Variants in MAP3K4 observed in about 807,000 individuals in gnomAD.
The protein encoded by MAP3K4 is MAP three kinase 1.
A neutral mutation model predicts 185.6 loss-of-function variants in MAP3K4; 67 were observed. That is an observed-to-expected ratio of 0.36 (90% CI 0.30 to 0.44). The LOEUF (loss-of-function observed/expected upper bound fraction) is 0.44, where lower values mean the gene tolerates loss of function less well. MAP3K4 is among the 20% of genes least tolerant of loss of function. The probability of loss-of-function intolerance (pLI) is 1.00; values close to 1 mark genes in which losing one functional copy is unlikely to be tolerated. For missense variants in MAP3K4, 1,551 were observed against 1,995.1 expected (o/e 0.78, Z 4.24); for synonymous variants, 702 against 710.4 (o/e 0.99, Z 0.19).
At chr6:161,094,354 T>G (rs1256881715) in intron 15 of MAP3K4, among the ~76,000 whole-genome samples, 1 of 152,260 alleles carries the variant, frequency 6.6e-6, no homozygotes, top group African/African-American at 2.4e-5. Context: ...AAAAATCAAG[T>G]TAAGTTATGC....
At chr6:161,028,032 C>G (rs1782752978) in intron 1 of MAP3K4, among the ~76,000 whole-genome samples, 1 of 152,130 alleles carries the variant, frequency 6.6e-6, no homozygotes, top group African/African-American at 2.4e-5. Flanking sequence ...ACACAGGTGG[C>G]CTTCTTAAGG....
Position 161,070,683 on chromosome 6 carries a change from A to C in MAP3K4, c.1783A>C (p.Lys595Gln). 2 of 1,614,066 alleles carry C rather than the reference A, an allele frequency of 1.2e-6. No homozygotes were observed. The highest frequency in any genetic ancestry group is 1.7e-6 in the Non-Finnish European group (2 of 1,180,004). The change falls in exon 4 of 27, where the codon AAA becomes CAA. Residue 595 changes from lysine to glutamine, a missense_variant. Around this residue, in one of 16 missense-constraint regions of MAP3K4, gnomAD observed 86 missense variants for 81.6 expected, o/e 1.05. Transcript: ENST00000392142. This position sits in a 1 kb window ranked among gnomAD's most constrained non-coding sequence, Gnocchi z 4.5. ...AAGGACACCACCTTCATCTGAGGAG[A>C]AATGCAGTGCTGTGTCGTGGGAGGA... Reference protein sequence around the residue: ...LSRTPPSSEEKCSAVSWEELK... With the variant: ...LSRTPPSSEEQCSAVSWEELK...
chr6:161,045,236 C>T, intron 2 of MAP3K4, among the ~76,000 whole-genome samples: 2 of 151,924 alleles, frequency 1.3e-5, no homozygotes, highest in African/African-American at 4.8e-5. Flanking sequence ...TGGGGGGGAA[C>T]AAAAAGCTTC....
chr6:161,036,886 T>G (rs1783191167), intron 2 of MAP3K4, among the ~76,000 whole-genome samples: 1 of 152,196 alleles, frequency 6.6e-6, no homozygotes, highest in South Asian at 2.1e-4. Context: ...TTTGTGGTGC[T>G]TACTCAGAAA....
In MAP3K4 at chr6:161,107,529, T is replaced by C. The variant is rs1016227100; in HGVS notation, c.4049-370T>C. ...CCAGTGAGGAAGACAATGGTCAGGC[T>C]TAGTCCTGGCTGTTTTCTGCTGCTC... On this transcript the variant is annotated intron_variant, in intron 20 of 26. Transcript: ENST00000392142. The surrounding 1 kb of genome is among the most constrained non-coding windows in gnomAD (Gnocchi z 6.2). Among the ~76,000 whole-genome samples the C allele has an allele frequency of 6.6e-6, 1 of 152,206 alleles. No homozygotes were observed.
intron 25 of MAP3K4, among the ~76,000 whole-genome samples, chr6:161,113,399 A>C (rs1174565441): frequency 6.6e-6 from 1 of 152,222 alleles, no homozygotes; most frequent in African/African-American, 2.4e-5. Flanking sequence ...AGTGGAGTAC[A>C]CAGAATTTTT....
intron 18 of MAP3K4, 69 bp downstream of exon 18, chr6:161,102,061 G>A: frequency 8.1e-7 from 1 of 1,229,714 alleles, no homozygotes; most frequent in Non-Finnish European, 1.2e-6. Context: ...ACCAGTTTCT[G>A]TTGTTAATGC....
intron 3 of MAP3K4, among the ~76,000 whole-genome samples, chr6:161,069,891 C>T (rs1784862542): frequency 6.6e-6 from 1 of 151,818 alleles, no homozygotes; most frequent in South Asian, 2.1e-4. Flanking sequence ...GAGGAGTGAC[C>T]AGGAGCAGAG....
intron 1 of MAP3K4, among the ~76,000 whole-genome samples, chr6:161,028,589 A>G (rs909137562): frequency 2.6e-5 from 4 of 152,196 alleles, no homozygotes; most frequent in South Asian, 4.1e-4. Flanking sequence ...AAGCAGTGGT[A>G]AGGATGACAG....
intron 1 of MAP3K4, among the ~76,000 whole-genome samples, chr6:161,002,048 AG>A (rs916174023): frequency 1.2e-4 from 18 of 145,642 alleles, no homozygotes; most frequent in African/African-American, 3.6e-4. Context: ...AATAAGAAAA[AG>A]GTTTTTTTTT....
At position 161,048,868 on chromosome 6, in the gene MAP3K4, C is replaced by G; in HGVS notation, c.596C>G (p.Pro199Arg). ...LSLGCSNAKL[P>R]VSVPMPIARP... The stretch of plus-strand genomic sequence containing the variant: ...CTTGGCTGTAGCAATGCTAAGCTTC[C>G]AGTATCTGTGCCCATGCCTATAGCC... Residue 199 changes from proline (P) to arginine (R), a missense_variant, in exon 3 of 27, where the codon CCA becomes CGA. Physicochemically the swap from Pro to Arg is moderately radical, Grantham distance 103. Coordinates refer to ENST00000392142, the MANE Select transcript of MAP3K4 (RefSeq NM_005922.4). The surrounding 1 kb of genome is among the most constrained non-coding windows in gnomAD (Gnocchi z 4.7). The G allele has an allele frequency of 1.9e-6, 3 of 1,614,178 alleles. No individual in the cohort carries two copies. Among genetic ancestry groups the G allele is most frequent in the Non-Finnish European group, 1.7e-6 (2 of 1,180,038 alleles).
At chr6:161,060,909 C>T (rs1784459915) in intron 3 of MAP3K4, among the ~76,000 whole-genome samples, 3 of 152,250 alleles carry the variant, frequency 2.0e-5, no homozygotes, top group Middle Eastern at 3.4e-3. Flanking sequence ...CACGAGCCAC[C>T]GCGCCCGGCC....
In MAP3K4 at chr6:161,108,090, C is replaced by T. The variant is rs1333261038; in HGVS notation, c.4119+121C>T. ...AGAGCTGTCTTCAGCACCAGCACTG[C>T]GACAGTCAGGACCAACCAGGCAGAT... On this transcript the variant is annotated intron_variant, in intron 21 of 26. Transcript: ENST00000392142. The surrounding 1 kb of genome is among the most constrained non-coding windows in gnomAD (Gnocchi z 5.7). The T allele has an allele frequency of 1.7e-5, 14 of 825,580 alleles. No individual in the cohort carries two copies. The highest frequency in any genetic ancestry group is 5.1e-5 in the African/African-American group (3 of 58,724). 51.1% of individuals were successfully genotyped at this position (825,580 alleles called of 1,614,324 possible). A position where few individuals can be genotyped will look rare whatever the true frequency, so the allele number is the denominator to read the frequency against.
chr6:161,066,944 T>C (rs906914832), intron 3 of MAP3K4, among the ~76,000 whole-genome samples: 3 of 152,230 alleles, frequency 2.0e-5, no homozygotes, highest in Non-Finnish European at 4.4e-5. Flanking sequence ...TTGGTGAATT[T>C]TATAGAGCTT....
In MAP3K4 at chr6:161,026,101, C is replaced by T. The variant is rs138110388; in HGVS notation, c.153-8158C>T. 6.7e-4 allele frequency among the ~76,000 whole-genome samples: 102 copies of T among 152,104 alleles called. 1 individual carries two copies. Among genetic ancestry groups the T allele is most frequent in the African/African-American group, 2.1e-3 (89 of 41,506 alleles). ...CCCACCTGTGCTCCCTGCTGCACTG[C>T]TGTGTGGTCAGGCCCAATCTAAGAA... On this transcript the variant is annotated intron_variant, in intron 1 of 26. Coordinates refer to ENST00000392142, the MANE Select transcript of MAP3K4 (RefSeq NM_005922.4).
intron 1 of MAP3K4, among the ~76,000 whole-genome samples, chr6:160,997,672 A>G (rs1485294639): frequency 6.6e-6 from 1 of 152,128 alleles, no homozygotes; most frequent in Non-Finnish European, 1.5e-5. Context: ...TCATACACAT[A>G]TTTGTCCACC....
chr6:161,080,770 C>A lies in MAP3K4; in HGVS notation c.2098-111C>A, dbSNP rs1785413340. 3 of 879,118 alleles carry A rather than the reference C, an allele frequency of 3.4e-6. No homozygotes were observed. Among genetic ancestry groups the A allele is most frequent in the East Asian group, 5.3e-5 (2 of 37,404 alleles). The allele number at this position is 879,118 out of a possible 1,614,324, so 54.5% of individuals were successfully genotyped here. A position where few individuals can be genotyped will look rare whatever the true frequency, so the allele number is the denominator to read the frequency against. ...TTCTGTCGGTGCTGCGTGCCTGTGA[C>A]AGCCCCCGGCCCGCCCCCACTTTAC... On this transcript the variant is annotated intron_variant, in intron 5 of 26. Coordinates refer to ENST00000392142, the MANE Select transcript of MAP3K4 (RefSeq NM_005922.4). The surrounding 1 kb of genome is among the most constrained non-coding windows in gnomAD (Gnocchi z 4.8).
intron 5 of MAP3K4, among the ~76,000 whole-genome samples, chr6:161,078,327 C>T (rs1380149696): frequency 6.6e-6 from 1 of 152,160 alleles, no homozygotes; most frequent in Non-Finnish European, 1.5e-5. Context: ...TCTTGACCAA[C>T]AGGTGAGATG....
chr6:161,094,884 A>G (rs1777500797), intron 15 of MAP3K4, among the ~76,000 whole-genome samples: 1 of 152,260 alleles, frequency 6.6e-6, no homozygotes, highest in Non-Finnish European at 1.5e-5. Context: ...CTAAGAACAC[A>G]TGATCGATAA....
Sources: allele counts gnomAD v4.1 joint callset (sites outside exome capture counted in the v4.1 genomes callset), GRCh38; gene constraint gnomAD v4.1.1; regional missense constraint gnomAD v4.1.1; non-coding constraint Gnocchi (gnomAD v3.1); transcripts MANE v1.5; gene names NCBI Gene and HGNC (gene_info 2026-07-23, HGNC 2026-07-21).